KIFC3: variants seen among roughly 807,000 people sequenced by gnomAD.
KIFC3 encodes the protein kinesin-like protein KIFC3.
Under a neutral mutation model 101.8 loss-of-function variants are expected in KIFC3, and 60 were observed. The ratio of observed to expected loss-of-function variants is 0.59; its 90% confidence interval spans 0.48 to 0.73. The LOEUF (loss-of-function observed/expected upper bound fraction) is 0.73, where lower values mean the gene tolerates loss of function less well. Ranked by LOEUF, KIFC3 falls within the 30% of genes least tolerant of loss-of-function variation. The probability of loss-of-function intolerance (pLI) is 0.00; values close to 1 mark genes in which losing one functional copy is unlikely to be tolerated. For missense variants in KIFC3, 966 were observed against 1,137.1 expected, an observed-to-expected ratio of 0.85 and a Z score of 2.16; for synonymous variants, 476 against 482.7, an observed-to-expected ratio of 0.99 and a Z score of 0.18.
intron 3 of KIFC3, chr16:57,781,990 G>C (rs2052789688): frequency 1.0e-6 from 1 of 985,352 alleles, no homozygotes; most frequent in Non-Finnish European, 1.2e-6. Context: ...GTGGTGGATA[G>C]GGCTGGAAAC....
At chr16:57,766,174 C>T (rs548164681) in intron 10 of KIFC3, among the ~76,000 whole-genome samples, 3 of 152,296 alleles carry the variant, frequency 2.0e-5, no homozygotes, top group African/African-American at 7.2e-5. Context: ...CTACTTCCAG[C>T]CTTTGTTGGG....
Position 57,796,336 on chromosome 16 carries a change from A to G in KIFC3, c.173-1195T>C, listed in dbSNP as rs921394834. On this transcript the variant is annotated intron_variant, in intron 2 of 19. Transcript: ENST00000445690. ...CAGAAAGGGCCCACAGTACAGGCCAATAGGACTACAGTAGCCATCAGCTCC... is the reference window on the plus strand; with the variant it reads ...CAGAAAGGGCCCACAGTACAGGCCAGTAGGACTACAGTAGCCATCAGCTCC... Among the ~76,000 whole-genome samples, 7 of 152,362 alleles carry G rather than the reference A, an allele frequency of 4.6e-5. No individual in the cohort carries two copies. The East Asian group carries it at 1.2e-3, about 25-fold the overall frequency.
At chr16:57,778,840 C>T (rs1375183734) in intron 3 of KIFC3, among the ~76,000 whole-genome samples, 1 of 152,136 alleles carries the variant, frequency 6.6e-6, no homozygotes, top group Non-Finnish European at 1.5e-5. Context: ...TCAGAGGCTA[C>T]AGTGAGCTAT....
chr16:57,772,454 G>C (rs2051379432), intron 3 of KIFC3, 166 bp from the exon 4 acceptor site: 1 of 571,966 alleles, frequency 1.7e-6, no homozygotes, highest in Admixed American at 3.0e-5. Flanking sequence ...TGGGACTTCA[G>C]GTGAGAGAAA....
Position 57,797,578 on chromosome 16 carries a change from T to C in KIFC3, c.172+494A>G, listed in dbSNP as rs2054435480. On this transcript the variant is annotated intron_variant, in intron 2 of 19. Coordinates refer to ENST00000445690, the MANE Select transcript of KIFC3 (RefSeq NM_001130100.2). ...TACAGAAGCACCTGAAATGAGCACA[T>C]GGACCCCAAGCCCCGCCAGGCCACG... 3 of 496,516 alleles carry C rather than the reference T, an allele frequency of 6.0e-6. No homozygotes were observed. The South Asian group carries it at 1.7e-4, about 29-fold the overall frequency. The allele number at this position is 496,516 out of a possible 1,614,324, so 30.8% of individuals were successfully genotyped here.
chr16:57,831,209 G>A (rs1242504433), intron 1 of KIFC3, among the ~76,000 whole-genome samples: 5 of 152,178 alleles, frequency 3.3e-5, no homozygotes, highest in Non-Finnish European at 7.3e-5. Flanking sequence ...GAGACTCAGC[G>A]CTAGAGTGAG....
At chr16:57,808,128 C>T (rs2054984690), upstream of KIFC3, among the ~76,000 whole-genome samples, 1 of 152,002 alleles carries the variant, frequency 6.6e-6, no homozygotes, top group Admixed American at 6.6e-5. Flanking sequence ...GCGGAGATTC[C>T]CTCCCTCCTA....
At chr16:57,786,360 G>A (rs1206771800) in intron 3 of KIFC3, among the ~76,000 whole-genome samples, 5 of 152,200 alleles carry the variant, frequency 3.3e-5, no homozygotes, top group African/African-American at 9.6e-5. Context: ...CACCAGGAAC[G>A]AGAGAGATGG....
At chr16:57,780,686 T>TC (rs1370600693) in intron 3 of KIFC3, among the ~76,000 whole-genome samples, 3 of 134,584 alleles carry the variant, frequency 2.2e-5, no homozygotes, top group Non-Finnish European at 4.8e-5. Context: ...TTTTTTTTTT[T>TC]TTTTTTGAGA....
chr16:57,844,158 C>T (rs1304417304), intron 1 of KIFC3, among the ~76,000 whole-genome samples: 2 of 151,082 alleles, frequency 1.3e-5, no homozygotes, highest in African/African-American at 2.4e-5. Context: ...GTAGGCTGGA[C>T]GCGGTGGCTC....
intron 12 of KIFC3, 149 bp from the exon 13 acceptor site, chr16:57,762,419 C>T (rs1176318367): frequency 5.0e-5 from 39 of 774,488 alleles, no homozygotes; most frequent in South Asian, 2.4e-4. Flanking sequence ...CCCAAAATGC[C>T]CTCCACCAGC....
intron 1 of KIFC3, among the ~76,000 whole-genome samples, chr16:57,857,408 T>TA (rs397804535): frequency 6.6e-6 from 1 of 151,314 alleles, no homozygotes; most frequent in Non-Finnish European, 1.5e-5. Flanking sequence ...TTTTTTTTTT[T>TA]AATTATACTT....
intron 3 of KIFC3, among the ~76,000 whole-genome samples, chr16:57,791,883 G>T (rs2053899669): frequency 6.6e-6 from 1 of 152,206 alleles, no homozygotes; most frequent in African/African-American, 2.4e-5. Flanking sequence ...GATAAAAGAA[G>T]AAACTTTTGG....
chr16:57,792,191 T>G (rs192467403), intron 3 of KIFC3, among the ~76,000 whole-genome samples: 26 of 152,284 alleles, frequency 1.7e-4, no homozygotes, highest in African/African-American at 6.0e-4. Context: ...GGGGGAGTGG[T>G]GGGCCCTCTC....
intron 9 of KIFC3, among the ~76,000 whole-genome samples, chr16:57,768,796 GGAGGCACTTAA>G (rs1424653781): frequency 3.9e-5 from 6 of 152,184 alleles, no homozygotes; most frequent in Non-Finnish European, 7.3e-5. Context: ...TCGACATGTA[GGAGGCACTTAA>G]GAGGCACTGG....
chr16:57,850,194 G>T (rs2056019765), intron 1 of KIFC3, among the ~76,000 whole-genome samples: 1 of 151,884 alleles, frequency 6.6e-6, no homozygotes, highest in Non-Finnish European at 1.5e-5. Context: ...GAGCCCAGAA[G>T]TTCCAGACCA....
chr16:57,775,420 G>A, intron 3 of KIFC3: 2 of 1,034,996 alleles, frequency 1.9e-6, no homozygotes, highest in Non-Finnish European at 2.3e-6. Flanking sequence ...CAGCTCTACT[G>A]GGGGCTAGGT....
At chr16:57,808,377 G>A (rs2054991768) in intron 1 of KIFC3, among the ~76,000 whole-genome samples, 1 of 151,730 alleles carries the variant, frequency 6.6e-6, no homozygotes, top group Non-Finnish European at 1.5e-5. Flanking sequence ...AAGCCGCCGG[G>A]CTCCTCCTTG....
intron 1 of KIFC3, among the ~76,000 whole-genome samples, chr16:57,841,014 A>G (rs1473791295): frequency 1.3e-5 from 2 of 152,178 alleles, no homozygotes; most frequent in African/African-American, 4.8e-5. Context: ...CAACCCTGTC[A>G]CGTTCTGCAG....
Sources: allele counts gnomAD v4.1 joint callset (sites outside exome capture counted in the v4.1 genomes callset), GRCh38; gene constraint gnomAD v4.1.1; transcripts MANE v1.5; gene names NCBI Gene and HGNC (gene_info 2026-07-23, HGNC 2026-07-21).